FAM184A: variants seen among roughly 807,000 people sequenced by gnomAD.
FAM184A encodes family with sequence similarity 184 member A, also known as protein FAM184A.
A neutral mutation model predicts 143.8 loss-of-function variants in FAM184A; 99 were observed. That is an observed-to-expected ratio of 0.69 (90% CI 0.58 to 0.81). The LOEUF is 0.81. FAM184A is among the 40% of genes least tolerant of loss of function. The probability of loss-of-function intolerance (pLI) is 0.00; values close to 1 mark genes in which losing one functional copy is unlikely to be tolerated. For missense variants in FAM184A, 1,217 were observed against 1,310.5 expected (o/e 0.93, Z 1.10); for synonymous variants, 427 against 446.4 (o/e 0.96, Z 0.55).
chr6:119,123,869 ACT>A (rs1789291155), intron 1 of FAM184A, among the ~76,000 whole-genome samples: 1 of 152,176 alleles, frequency 6.6e-6, no homozygotes, highest in South Asian at 2.1e-4. Context: ...TTTCCTCTCT[ACT>A]CTATTTTAAA....
At chr6:118,963,521 A>T (rs1783398837) in intron 16 of FAM184A, 1 of 152,138 alleles carries the variant, frequency 6.6e-6, no homozygotes, top group African/African-American at 2.4e-5. Context: ...ATTTTAGAAA[A>T]CATTCAAGTT....
At chr6:119,103,280 C>A (rs1396339061) in intron 1 of FAM184A, among the ~76,000 whole-genome samples, 2 of 152,164 alleles carry the variant, frequency 1.3e-5, no homozygotes, top group Non-Finnish European at 2.9e-5. Context: ...GAAGCTGGAT[C>A]CAAGATGACA....
chr6:119,145,408 A>G (rs1772392563), intron 1 of FAM184A, among the ~76,000 whole-genome samples: 1 of 152,086 alleles, frequency 6.6e-6, no homozygotes, highest in Non-Finnish European at 1.5e-5. Context: ...AAACCCTTCA[A>G]TCACTCCTTT....
chr6:119,092,567 G>A (rs932205767), intron 1 of FAM184A, among the ~76,000 whole-genome samples: 4 of 152,064 alleles, frequency 2.6e-5, no homozygotes, highest in African/African-American at 7.2e-5. Context: ...TTATCAATGG[G>A]GCCATGATAG....
intron 9 of FAM184A, among the ~76,000 whole-genome samples, chr6:118,987,556 A>C (rs760746341): frequency 9.2e-5 from 14 of 152,182 alleles, no homozygotes; most frequent in Non-Finnish European, 1.5e-4. Context: ...TCACTTTGTC[A>C]ATGCTTAGGA....
At chr6:119,043,920 T>C (rs927593324) in intron 1 of FAM184A, among the ~76,000 whole-genome samples, 1 of 151,624 alleles carries the variant, frequency 6.6e-6, no homozygotes, top group Admixed American at 6.6e-5. Flanking sequence ...AGAACTCAAA[T>C]CAATAACCTA....
intron 8 of FAM184A, among the ~76,000 whole-genome samples, 184 bp downstream of exon 8, chr6:119,003,317 G>A (rs1311777370): frequency 6.6e-6 from 1 of 151,928 alleles, no homozygotes; most frequent in Non-Finnish European, 1.5e-5. Flanking sequence ...TTATATTCAA[G>A]GAAATGCAAA....
At chr6:118,987,759 TCAA>T (rs955587875) in intron 9 of FAM184A, among the ~76,000 whole-genome samples, 1 of 152,204 alleles carries the variant, frequency 6.6e-6, no homozygotes, top group African/African-American at 2.4e-5. Context: ...TTTTTATGAT[TCAA>T]CTAGTTAATA....
intron 5 of FAM184A, among the ~76,000 whole-genome samples, chr6:119,016,499 G>A (rs1012638239): frequency 2.2e-4 from 34 of 151,902 alleles, no homozygotes; most frequent in Non-Finnish European, 2.2e-4. Context: ...CACTCACCGC[G>A]AAGGTCTGCA....
At chr6:118,987,321 A>AAGT (rs1436955934) in intron 9 of FAM184A, among the ~76,000 whole-genome samples, 1 of 152,224 alleles carries the variant, frequency 6.6e-6, no homozygotes, top group Non-Finnish European at 1.5e-5. Flanking sequence ...TCCTTTACAG[A>AAGT]AAAGTCTGCT....
chr6:119,139,847 A>G (rs1772155626), intron 1 of FAM184A, among the ~76,000 whole-genome samples: 1 of 152,162 alleles, frequency 6.6e-6, no homozygotes, highest in African/African-American at 2.4e-5. Flanking sequence ...GAGTTTCCTG[A>G]TTCCAGGTAA....
At chr6:119,072,153 C>A (rs867099466) in intron 1 of FAM184A, among the ~76,000 whole-genome samples, 1 of 152,286 alleles carries the variant, frequency 6.6e-6, no homozygotes, top group East Asian at 1.9e-4. Flanking sequence ...TGAGCCAGGG[C>A]ACCCAACCTA....
chr6:119,094,335 G>A (rs1434329790), intron 1 of FAM184A, among the ~76,000 whole-genome samples: 2 of 152,052 alleles, frequency 1.3e-5, no homozygotes, highest in Non-Finnish European at 2.9e-5. Context: ...ACCTGAACTC[G>A]TCTTTTTCTT....
At chr6:119,016,459 A>G (rs181724452) in intron 5 of FAM184A, among the ~76,000 whole-genome samples, 31 of 151,366 alleles carry the variant, frequency 2.0e-4, no homozygotes, top group Admixed American at 1.3e-3. Context: ...GGAACGAACA[A>G]CTCCAGACGC....
chr6:119,130,658 T>C (rs1041885209), intron 1 of FAM184A, among the ~76,000 whole-genome samples: 63 of 152,318 alleles, frequency 4.1e-4, no homozygotes, highest in African/African-American at 1.5e-3. Context: ...TGCTGCACTT[T>C]GGAAATTTAC....
intron 1 of FAM184A, among the ~76,000 whole-genome samples, chr6:119,038,847 T>C (rs1786210813): frequency 6.6e-6 from 1 of 151,702 alleles, no homozygotes; most frequent in Non-Finnish European, 1.5e-5. Flanking sequence ...CAGGGATGAG[T>C]ACAAAAAGCA....
At position 119,078,335 on chromosome 6, in the gene FAM184A, G is replaced by C. The variant is rs1410645965; in HGVS notation, c.-36C>G. 1 of 1,419,606 alleles carries C rather than the reference G, an allele frequency of 7.0e-7. No homozygotes were observed. Among genetic ancestry groups the C allele is most frequent in the East Asian group, 2.9e-5 (1 of 34,172 alleles). The allele number at this position is 1,419,606 out of a possible 1,614,324, so 87.9% of individuals were successfully genotyped here. On this transcript the variant is annotated 5_prime_UTR_variant, in exon 1 of 18. Transcript: ENST00000338891. This position sits in a 1 kb window ranked among gnomAD's most constrained non-coding sequence, Gnocchi z 5.5. ...GACCCCAGCCGGGGCACCTGTCCCCGCGGGTGGAGGCAGGCCCGTGGAGCA... is the reference window on the plus strand; with the variant it reads ...GACCCCAGCCGGGGCACCTGTCCCCCCGGGTGGAGGCAGGCCCGTGGAGCA...
chr6:119,133,799 C>G (rs1789595446), intron 1 of FAM184A, among the ~76,000 whole-genome samples: 1 of 152,006 alleles, frequency 6.6e-6, no homozygotes, highest in Non-Finnish European at 1.5e-5. Flanking sequence ...TACCACCACA[C>G]CTGGCTAATT....
Position 119,020,154 on chromosome 6 carries a change from T to C in FAM184A, c.1156A>G (p.Ile386Val). 6.4e-7 allele frequency: 1 copy of C among 1,556,948 alleles called. No homozygotes were observed. Among genetic ancestry groups the C allele is most frequent in the Non-Finnish European group, 8.6e-7 (1 of 1,157,742 alleles). The change falls in exon 4 of 18, where the codon ATT becomes GTT. Residue 386 changes from isoleucine to valine, a missense_variant. Ile to Val is a conservative substitution (Grantham distance 29). Coordinates refer to ENST00000338891, the MANE Select transcript of FAM184A (RefSeq NM_024581.6). ...ASDLVLKASH[I>V]GMLQATQMTQ... ...ATTTGAGTTGCTTGAAGCATTCCAATATGACCTATCCCCCAAAAAGAAAAT... is the reference window on the plus strand; with the variant it reads ...ATTTGAGTTGCTTGAAGCATTCCAACATGACCTATCCCCCAAAAAGAAAAT...
Sources: gnomAD v4.1 joint callset for allele counts (sites outside exome capture counted in the v4.1 genomes callset) on GRCh38, gnomAD v4.1.1 for gene constraint, Gnocchi (gnomAD v3.1) non-coding constraint, MANE v1.5 for transcripts, NCBI Gene and HGNC (gene_info 2026-07-23, HGNC 2026-07-21) for gene names.